GRIA1: variants seen among roughly 807,000 people sequenced by gnomAD.
GRIA1 encodes glutamate receptor 1.
In GRIA1, 31 loss-of-function variants were observed where a neutral mutation model predicts 99.2. The ratio of observed to expected loss-of-function variants is 0.31; its 90% CI spans 0.23 to 0.42. The LOEUF (loss-of-function observed/expected upper bound fraction) is 0.42, where lower values mean the gene tolerates loss of function less well. Among genes scored for constraint, GRIA1 ranks in the 10% least tolerant of loss-of-function variants. The pLI is 1.00. For missense variants in GRIA1, 782 were observed against 1,157.5 expected, an observed-to-expected ratio of 0.68 and a Z score of 4.71; for synonymous variants, 438 against 432.4, an observed-to-expected ratio of 1.01 and a Z score of -0.16.
At chr5:153,798,269 C>T (rs949818454) in intron 14 of GRIA1, among the ~76,000 whole-genome samples, 1 of 152,322 alleles carries the variant, frequency 6.6e-6, no homozygotes, top group East Asian at 1.9e-4. Context: ...ACTCAGCCTT[C>T]ACTCCCAGGA....
intron 2 of GRIA1, among the ~76,000 whole-genome samples, chr5:153,604,843 G>A (rs1453221438): frequency 6.6e-6 from 1 of 152,082 alleles, no homozygotes; most frequent in African/African-American, 2.4e-5. Context: ...CTATAAAGCA[G>A]GAGATACCAT....
At chr5:153,567,430 G>A (rs1334885602) in intron 2 of GRIA1, among the ~76,000 whole-genome samples, 2 of 152,134 alleles carry the variant, frequency 1.3e-5, no homozygotes, top group Non-Finnish European at 2.9e-5. Context: ...TGGCATTTGG[G>A]GCCAGATAAT....
At chr5:153,516,451 C>G (rs1756638725) in intron 2 of GRIA1, among the ~76,000 whole-genome samples, 1 of 151,844 alleles carries the variant, frequency 6.6e-6, no homozygotes, top group Non-Finnish European at 1.5e-5. Flanking sequence ...AGTTGATAAT[C>G]TGATTTTACC....
intron 11 of GRIA1, among the ~76,000 whole-genome samples, chr5:153,763,547 A>T (rs914217201): frequency 2.0e-5 from 3 of 152,216 alleles, no homozygotes; most frequent in African/African-American, 7.2e-5. Context: ...CCACCATAGG[A>T]TTCATTATGA....
intron 2 of GRIA1, among the ~76,000 whole-genome samples, chr5:153,600,444 A>T (rs1027688708): frequency 1.7e-4 from 26 of 149,224 alleles, no homozygotes; most frequent in Non-Finnish European, 3.3e-4. Context: ...ATAGGTTTCA[A>T]TCAGTAGAAA....
chr5:153,548,074 T>C (rs978964821), intron 2 of GRIA1, among the ~76,000 whole-genome samples: 1 of 152,198 alleles, frequency 6.6e-6, no homozygotes, highest in African/African-American at 2.4e-5. Flanking sequence ...ATCACTTGCA[T>C]GAATTTTTAC....
At chr5:153,645,491 G>A (rs866641451) in intron 2 of GRIA1, among the ~76,000 whole-genome samples, 3 of 152,172 alleles carry the variant, frequency 2.0e-5, no homozygotes, top group Admixed American at 6.5e-5. Context: ...CCAAAAAAAG[G>A]TCTTGGAGGC....
intron 2 of GRIA1, among the ~76,000 whole-genome samples, chr5:153,533,311 T>C (rs1399093758): frequency 6.6e-6 from 1 of 151,600 alleles, no homozygotes; most frequent in African/African-American, 2.4e-5. Flanking sequence ...AAAAGAAACG[T>C]CACTGTTGGC....
intron 11 of GRIA1, among the ~76,000 whole-genome samples, chr5:153,724,447 C>A (rs1383001519): frequency 3.9e-5 from 6 of 152,114 alleles, no homozygotes; most frequent in Admixed American, 6.6e-5. Flanking sequence ...TCAAACTACT[C>A]CGAGCTACAA....
rs773986932 is a variant in GRIA1, at chr5:153,782,629, T to A, written c.2271-11992T>A. On this transcript the variant is annotated intron_variant, in intron 13 of 15. Transcript: ENST00000285900. ...TGGAAGTACCATAAAAATAAATAGA[T>A]AAATAAATAAGGCAAAGTGAGGAAA... Among the ~76,000 whole-genome samples the A allele has an allele frequency of 4.6e-5, 7 of 152,094 alleles. No individual in the cohort carries two copies. In the East Asian group the frequency reaches 7.7e-4, roughly 17 times the overall value.
intron 2 of GRIA1, among the ~76,000 whole-genome samples, chr5:153,602,533 T>C (rs1554102336): frequency 1.4e-5 from 2 of 141,228 alleles, no homozygotes; most frequent in Non-Finnish European, 3.2e-5. Flanking sequence ...AGTATAATAA[T>C]AATAAAATAA....
chr5:153,544,788 G>A (rs144073664), intron 2 of GRIA1, among the ~76,000 whole-genome samples: 1 of 152,178 alleles, frequency 6.6e-6, no homozygotes, highest in Non-Finnish European at 1.5e-5. Context: ...AAATGACGTT[G>A]GTGATAGTGA....
At chr5:153,594,438 T>C (rs536977717) in intron 2 of GRIA1, among the ~76,000 whole-genome samples, 6 of 152,344 alleles carry the variant, frequency 3.9e-5, no homozygotes, top group Admixed American at 3.9e-4. Context: ...TGTCAACTAA[T>C]ATATTTATCT....
intron 10 of GRIA1, among the ~76,000 whole-genome samples, chr5:153,704,014 G>T (rs746805119): frequency 6.6e-6 from 1 of 152,148 alleles, no homozygotes; most frequent in Non-Finnish European, 1.5e-5. Context: ...TTTATGCAGT[G>T]GGTATTAGGG....
At chr5:153,782,207 T>C (rs1303434212) in intron 13 of GRIA1, among the ~76,000 whole-genome samples, 1 of 152,234 alleles carries the variant, frequency 6.6e-6, no homozygotes, top group Non-Finnish European at 1.5e-5. Flanking sequence ...ATTTTACAGA[T>C]AATGAATCAG....
intron 2 of GRIA1, among the ~76,000 whole-genome samples, chr5:153,523,811 G>T (rs1223920733): frequency 6.6e-6 from 1 of 152,154 alleles, no homozygotes. Context: ...GCAAATAATA[G>T]TCAGCTCAAT....
intron 2 of GRIA1, among the ~76,000 whole-genome samples, chr5:153,548,881 T>C (rs189674530): frequency 3.9e-5 from 6 of 152,320 alleles, no homozygotes; most frequent in Admixed American, 3.9e-4. Flanking sequence ...GTTATTATAT[T>C]ATGAGCATCT....
At chr5:153,631,293 C>A (rs1005728929) in intron 2 of GRIA1, among the ~76,000 whole-genome samples, 1 of 152,176 alleles carries the variant, frequency 6.6e-6, no homozygotes, top group Non-Finnish European at 1.5e-5. Flanking sequence ...CACTCATGCC[C>A]CTGGTGAGTC....
At chr5:153,800,982 T>C (rs1029049382) in intron 14 of GRIA1, among the ~76,000 whole-genome samples, 8 of 152,250 alleles carry the variant, frequency 5.3e-5, no homozygotes, top group Admixed American at 3.3e-4. Flanking sequence ...CCTGTGCCAA[T>C]TGAGGCATTT....
Sources: gnomAD v4.1 joint callset for allele counts (sites outside exome capture counted in the v4.1 genomes callset) on GRCh38, gnomAD v4.1.1 for gene constraint, MANE v1.5 for transcripts, NCBI Gene and HGNC (gene_info 2026-07-23, HGNC 2026-07-21) for gene names.